The following ARHGAP6 variants were observed in gnomAD, a reference collection of about 807,000 sequenced individuals.
The protein encoded by ARHGAP6 is Rho GTPase activating protein 6.
ARHGAP6 carries 16 observed loss-of-function variants against 55.7 expected under a neutral mutation model. The observed-to-expected ratio is 0.29, with a 90% CI of 0.19 to 0.44. The LOEUF is 0.44. Ranked by LOEUF, ARHGAP6 falls within the 20% of genes least tolerant of loss-of-function variation. The pLI, the probability that ARHGAP6 is intolerant of heterozygous loss-of-function variation, is 1.00. For synonymous variants in ARHGAP6, 382 were observed against 360.9 expected, an observed-to-expected ratio of 1.06 and a Z score of -0.66; for missense variants, 698 against 808.9, an observed-to-expected ratio of 0.86 and a Z score of 1.66.
intron 1 of ARHGAP6, among the ~76,000 whole-genome samples, chrX:11,354,816 G>A (rs2048913105): frequency 9.0e-6 from 1 of 111,450 alleles, no homozygotes; most frequent in East Asian, 2.8e-4. Flanking sequence ...GTCCCATCTT[G>A]TTTAACATCT....
At chrX:11,322,222 C>A (rs1474694805) in intron 1 of ARHGAP6, among the ~76,000 whole-genome samples, 2 of 111,839 alleles carry the variant, frequency 1.8e-5, no homozygotes. Flanking sequence ...TTGCTGTCCT[C>A]TAAACTGTGG....
intron 1 of ARHGAP6, among the ~76,000 whole-genome samples, chrX:11,660,576 A>C (rs1197355792): frequency 1.1e-5 from 1 of 94,057 alleles, no homozygotes; most frequent in Admixed American, 1.2e-4. Flanking sequence ...AAAAAAAAAA[A>C]AACCCAACAG....
chrX:11,290,160 G>A (rs777284449), intron 1 of ARHGAP6, among the ~76,000 whole-genome samples: 19 of 111,754 alleles, frequency 1.7e-4, no homozygotes, highest in South Asian at 7.6e-4. Context: ...AAGTCCACAG[G>A]AGCAGTTGAG....
At chrX:11,150,736 C>G (rs1019813641) in intron 10 of ARHGAP6, among the ~76,000 whole-genome samples, 1 of 111,604 alleles carries the variant, frequency 9.0e-6, no homozygotes, top group African/African-American at 3.3e-5. Flanking sequence ...CTGCAATGAA[C>G]CATGGTCGTG....
chrX:11,636,345 T>C (rs2052419346), intron 1 of ARHGAP6, among the ~76,000 whole-genome samples: 1 of 111,844 alleles, frequency 8.9e-6, no homozygotes, highest in Non-Finnish European at 1.9e-5. Context: ...TGTTCATTCA[T>C]TGGGTGTGAA....
intron 2 of ARHGAP6, among the ~76,000 whole-genome samples, chrX:11,202,028 T>TGTGTGTGTGC (rs2046633318): frequency 9.5e-6 from 1 of 104,751 alleles, no homozygotes; most frequent in African/African-American, 3.5e-5. Flanking sequence ...TGTGTGTGTG[T>TGTGTGTGTGC]GTGTGTGTGT....
chrX:11,462,295 G>A (rs1480502851), intron 1 of ARHGAP6, among the ~76,000 whole-genome samples: 1 of 111,772 alleles, frequency 8.9e-6, no homozygotes, highest in African/African-American at 3.3e-5. Context: ...TCACAGCTGG[G>A]TCGAAGGGAA....
chrX:11,309,434 C>T (rs750241269), intron 1 of ARHGAP6, among the ~76,000 whole-genome samples: 6 of 110,718 alleles, frequency 5.4e-5, no homozygotes, highest in Admixed American at 2.9e-4. Flanking sequence ...ACTAGAGGAT[C>T]TCGGAGGGAG....
chrX:11,631,827 C>T (rs1419663638), intron 1 of ARHGAP6, among the ~76,000 whole-genome samples: 1 of 111,625 alleles, frequency 9.0e-6, no homozygotes, highest in African/African-American at 3.3e-5. Flanking sequence ...TTTATTTGGA[C>T]CTTGAAATTT....
At chrX:11,342,790 T>A (rs2048723661) in intron 1 of ARHGAP6, among the ~76,000 whole-genome samples, 1 of 112,698 alleles carries the variant, frequency 8.9e-6, no homozygotes, top group East Asian at 2.8e-4. Flanking sequence ...TATTACCTCA[T>A]GCATTTCTTC....
chrX:11,443,687 G>A (rs1407308775), intron 1 of ARHGAP6, among the ~76,000 whole-genome samples: 1 of 112,296 alleles, frequency 8.9e-6, no homozygotes, highest in Non-Finnish European at 1.9e-5. Context: ...CCAGTACTTT[G>A]GGAGGCCGAA....
At chrX:11,428,776 A>G (rs781245118) in intron 1 of ARHGAP6, among the ~76,000 whole-genome samples, 1 of 111,863 alleles carries the variant, frequency 8.9e-6, no homozygotes, top group Non-Finnish European at 1.9e-5. Context: ...AGTTGAATGA[A>G]CCATCCACTG....
At chrX:11,173,927 C>T (rs747885942) in intron 8 of ARHGAP6, among the ~76,000 whole-genome samples, 28 of 111,689 alleles carry the variant, frequency 2.5e-4, no homozygotes, top group Non-Finnish European at 4.3e-4. Flanking sequence ...TCTTGACAAT[C>T]TGCTTCAGGT....
At chrX:11,610,531 C>T (rs1396132888) in intron 1 of ARHGAP6, among the ~76,000 whole-genome samples, 1 of 111,480 alleles carries the variant, frequency 9.0e-6, no homozygotes, top group African/African-American at 3.3e-5. Flanking sequence ...GAGGAAGTGC[C>T]CATGGTAATG....
intron 1 of ARHGAP6, among the ~76,000 whole-genome samples, chrX:11,573,443 A>C (rs2051554342): frequency 9.1e-6 from 1 of 110,427 alleles, no homozygotes. Context: ...TAAATAGGGA[A>C]TCCTTTCCCC....
chrX:11,347,446 C>T (rs747067417), intron 1 of ARHGAP6, among the ~76,000 whole-genome samples: 30 of 111,586 alleles, frequency 2.7e-4, no homozygotes, highest in Non-Finnish European at 4.7e-4. Context: ...TCTTTTGTTT[C>T]TTCTCAAAAG....
In ARHGAP6 at chrX:11,137,805, A is replaced by T. The variant is rs2045567991; in HGVS notation, c.*1058T>A. On this transcript the variant is annotated 3_prime_UTR_variant, in exon 13 of 13. Transcript: ENST00000337414. ...CGGTAGAACATTTTACAATACACAT[A>T]AAATTACGAAAGAAAACATTTCCTC... is the stretch of plus-strand genomic sequence containing the variant. 1 of 112,546 alleles carries T rather than the reference A, an allele frequency of 8.9e-6. No individual in the cohort carries two copies. Among genetic ancestry groups the T allele is most frequent in the South Asian group, 3.6e-4 (1 of 2,770 alleles). 9.3% of individuals were successfully genotyped at this position (112,546 alleles called of 1,213,427 possible). A position where few individuals can be genotyped will look rare whatever the true frequency, so the allele number is the denominator to read the frequency against.
At chrX:11,302,273 C>G (rs1290597957) in intron 1 of ARHGAP6, among the ~76,000 whole-genome samples, 1 of 111,990 alleles carries the variant, frequency 8.9e-6, no homozygotes, top group Non-Finnish European at 1.9e-5. Context: ...CAGCATTGCT[C>G]TATGTACTAC....
chrX:11,405,883 T>C (rs1356325828), intron 1 of ARHGAP6, among the ~76,000 whole-genome samples: 1 of 110,990 alleles, frequency 9.0e-6, no homozygotes, highest in African/African-American at 3.3e-5. Context: ...ATCTATAAAA[T>C]GATATAAAGA....
Sources: gnomAD v4.1 joint callset for allele counts (sites outside exome capture counted in the v4.1 genomes callset) on GRCh38, gnomAD v4.1.1 for gene constraint, MANE v1.5 for transcripts, NCBI Gene and HGNC (gene_info 2026-07-23, HGNC 2026-07-21) for gene names.